Variants in RGS5 observed in about 807,000 individuals in gnomAD.
RGS5 encodes the protein regulator of G protein signaling 5, also known as regulator of G-protein signalling 5.
RGS5 carries 20 observed loss-of-function variants against 18.9 expected under a neutral mutation model. The ratio of observed to expected loss-of-function variants is 1.06; its 90% CI spans 0.74 to 1.54. The LOEUF (loss-of-function observed/expected upper bound fraction) is 1.54, where lower values mean the gene tolerates loss of function less well. Among genes scored for constraint, RGS5 ranks in the 40% most tolerant of loss-of-function variants. RGS5 has a pLI of 0.00. For missense variants in RGS5, 201 were observed against 211.8 expected (o/e 0.95, Z 0.32); for synonymous variants, 57 against 76.2 (o/e 0.75, Z 1.31).
At chr1:163,269,883 A>G (rs986987616) in intron 2 of RGS5, among the ~76,000 whole-genome samples, 11 of 152,202 alleles carry the variant, frequency 7.2e-5, no homozygotes, top group African/African-American at 2.7e-4. Flanking sequence ...TGAACCATTT[A>G]TTTTGACATT....
chr1:163,280,774 A>C (rs1648972247), intron 2 of RGS5, among the ~76,000 whole-genome samples: 1 of 152,200 alleles, frequency 6.6e-6, no homozygotes, highest in Admixed American at 6.6e-5. Context: ...AAAAATCCTA[A>C]AATTTGTATA....
At chr1:163,296,916 A>T (rs1176631765) in intron 2 of RGS5, among the ~76,000 whole-genome samples, 1 of 152,166 alleles carries the variant, frequency 6.6e-6, no homozygotes, top group Non-Finnish European at 1.5e-5. Context: ...TTAGAGAGAG[A>T]AATTTACATC....
At chr1:163,186,090 G>A (rs1456229900) in intron 1 of RGS5, among the ~76,000 whole-genome samples, 1 of 98,236 alleles carries the variant, frequency 1.0e-5, no homozygotes, top group African/African-American at 3.9e-5. Context: ...TTTTTTTTTT[G>A]ACATAGAGTC....
chr1:163,182,070 A>G (rs77728255), intron 1 of RGS5, among the ~76,000 whole-genome samples: 143 of 152,256 alleles, frequency 9.4e-4, no homozygotes, highest in African/African-American at 3.3e-3. Flanking sequence ...ACCTATTATT[A>G]TTATTGTCAC....
intron 2 of RGS5, among the ~76,000 whole-genome samples, chr1:163,163,484 G>GA (rs11382845): frequency 0.56 from 85,066 of 151,090 alleles, 25,881 homozygotes; most frequent in South Asian, 0.71. Flanking sequence ...AGCACACAAA[G>GA]AAAAAAAAAT....
intron 2 of RGS5, among the ~76,000 whole-genome samples, chr1:163,297,362 G>A (rs980616062): frequency 3.3e-5 from 5 of 152,264 alleles, no homozygotes; most frequent in Admixed American, 1.3e-4. Context: ...CTGGACACAC[G>A]AAGATTGTGA....
At chr1:163,208,326 C>A (rs1165621811) in intron 1 of RGS5, among the ~76,000 whole-genome samples, 2 of 106,404 alleles carry the variant, frequency 1.9e-5, no homozygotes, top group Non-Finnish European at 3.5e-5. Flanking sequence ...CCAGCCTGAG[C>A]GACAGAGCGA....
intron 3 of RGS5, among the ~76,000 whole-genome samples, chr1:163,155,821 C>T (rs1471785327): frequency 1.3e-5 from 2 of 152,100 alleles, no homozygotes; most frequent in Non-Finnish European, 2.9e-5. Flanking sequence ...GAGTACCTCT[C>T]AACCCACCTC....
At chr1:163,207,698 T>A (rs938770261), upstream of RGS5, among the ~76,000 whole-genome samples, 25 of 152,074 alleles carry the variant, frequency 1.6e-4, no homozygotes, top group Admixed American at 1.6e-3. Context: ...TTTATAAAAA[T>A]AATGAAACTA....
intron 2 of RGS5, among the ~76,000 whole-genome samples, chr1:163,299,746 T>C (rs1314157269): frequency 6.6e-6 from 1 of 152,188 alleles, no homozygotes; most frequent in Non-Finnish European, 1.5e-5. Flanking sequence ...GTTTAAATTC[T>C]CTGTTTTCTA....
chr1:163,217,945 C>T (rs1426541544), upstream of RGS5, among the ~76,000 whole-genome samples: 4 of 151,914 alleles, frequency 2.6e-5, no homozygotes, highest in Non-Finnish European at 5.9e-5. Context: ...GACATGGAGC[C>T]ATGAGGAACC....
chr1:163,263,682 G>A (rs1648507460), intron 2 of RGS5, among the ~76,000 whole-genome samples: 1 of 152,004 alleles, frequency 6.6e-6, no homozygotes, highest in Non-Finnish European at 1.5e-5. Flanking sequence ...TTACCATAAT[G>A]TTGTCTAAAG....
At chr1:163,208,763 T>C (rs1430426766) in intron 1 of RGS5, among the ~76,000 whole-genome samples, 2 of 152,054 alleles carry the variant, frequency 1.3e-5, no homozygotes, top group Admixed American at 1.3e-4. Context: ...CAACTTAAAA[T>C]GGAAATATTA....
intron 2 of RGS5, among the ~76,000 whole-genome samples, chr1:163,166,615 C>G (rs1658066641): frequency 6.6e-6 from 1 of 152,106 alleles, no homozygotes; most frequent in African/African-American, 2.4e-5. Flanking sequence ...TTATTGGTCA[C>G]TGTTGAAAAT....
At chr1:163,190,787 C>G (rs2101646821) in intron 1 of RGS5, among the ~76,000 whole-genome samples, 1 of 152,306 alleles carries the variant, frequency 6.6e-6, no homozygotes, top group South Asian at 2.1e-4. Context: ...ATGAAAGCCC[C>G]TGTGTTTCAG....
intron 1 of RGS5, among the ~76,000 whole-genome samples, chr1:163,307,437 A>G (rs1207605636): frequency 1.3e-5 from 2 of 152,156 alleles, no homozygotes; most frequent in Non-Finnish European, 1.5e-5. Context: ...GGAAATATCA[A>G]ATCATGTAGA....
intron 2 of RGS5, among the ~76,000 whole-genome samples, chr1:163,288,012 C>T (rs575450881): frequency 6.0e-4 from 91 of 152,132 alleles, no homozygotes; most frequent in Middle Eastern, 6.8e-3. Flanking sequence ...CTAATAATCT[C>T]GATAGTTGAG....
At chr1:163,204,797 G>T (rs971300341), upstream of RGS5, among the ~76,000 whole-genome samples, 1 of 152,146 alleles carries the variant, frequency 6.6e-6, no homozygotes, top group Non-Finnish European at 1.5e-5. Flanking sequence ...AAGTAGAAGA[G>T]ACTCCTTGGG....
intron 2 of RGS5, among the ~76,000 whole-genome samples, chr1:163,243,330 T>C (rs1386900674): frequency 1.3e-5 from 2 of 151,832 alleles, no homozygotes; most frequent in Non-Finnish European, 2.9e-5. Context: ...TTAGAACAAA[T>C]ACTTAATGCA....
Sources: allele counts gnomAD v4.1 joint callset (sites outside exome capture counted in the v4.1 genomes callset), GRCh38; gene constraint gnomAD v4.1.1; transcripts MANE v1.5; gene names NCBI Gene and HGNC (gene_info 2026-07-23, HGNC 2026-07-21).